NRG2: variants seen among roughly 807,000 people sequenced by gnomAD.
The protein encoded by NRG2 is pro-neuregulin-2, membrane-bound isoform.
Under a neutral mutation model 73.9 loss-of-function variants are expected in NRG2, and 27 were observed. The ratio of observed to expected loss-of-function variants is 0.37; its 90% confidence interval spans 0.27 to 0.50. NRG2 has a LOEUF of 0.50. Ranked by LOEUF, NRG2 falls within the 20% of genes least tolerant of loss-of-function variation. The pLI is 0.96. For synonymous variants in NRG2, 532 were observed against 541.0 expected (o/e 0.98, Z 0.23); for missense variants, 1,126 against 1,210.1 (o/e 0.93, Z 1.03).
At chr5:139,962,936 A>G (rs1451570637) in intron 1 of NRG2, among the ~76,000 whole-genome samples, 1 of 152,190 alleles carries the variant, frequency 6.6e-6, no homozygotes, top group Non-Finnish European at 1.5e-5. Flanking sequence ...TCTGGTTCAT[A>G]GGCAATATGG....
At chr5:140,030,829 A>G (rs1761083462) in intron 1 of NRG2, among the ~76,000 whole-genome samples, 1 of 152,162 alleles carries the variant, frequency 6.6e-6, no homozygotes, top group Non-Finnish European at 1.5e-5. Context: ...ACCTGGGCTG[A>G]GCTCTGGAGG....
intron 1 of NRG2, among the ~76,000 whole-genome samples, chr5:139,948,215 G>GAGTT (rs55699761): frequency 0.14 from 21,276 of 152,052 alleles, 1,584 homozygotes; most frequent in South Asian, 0.25. Flanking sequence ...TAATGTCAAT[G>GAGTT]AACTATACCA....
chr5:140,034,020 G>A (rs910313982), intron 1 of NRG2, among the ~76,000 whole-genome samples: 24 of 151,118 alleles, frequency 1.6e-4, no homozygotes, highest in African/African-American at 5.1e-4. Context: ...GTGCAGTGGC[G>A]CGATCTTGGC....
intron 1 of NRG2, among the ~76,000 whole-genome samples, chr5:139,984,542 T>C: frequency 6.6e-6 from 1 of 152,268 alleles, no homozygotes; most frequent in East Asian, 1.9e-4. Context: ...TTATAAGATG[T>C]ACTTCAGAAT....
rs747692888 is a variant in NRG2, at chr5:139,887,239, G to A, written c.872+101C>T. The A allele has an allele frequency of 1.1e-5, 15 of 1,389,594 alleles. No individual in the cohort carries two copies. The highest frequency in any genetic ancestry group is 1.5e-5 in the Non-Finnish European group (15 of 995,724). The allele number at this position is 1,389,594 out of a possible 1,614,324, so 86.1% of individuals were successfully genotyped here. A position where few individuals can be genotyped will look rare whatever the true frequency, so the allele number is the denominator to read the frequency against. On this transcript the variant is annotated intron_variant, in intron 2 of 9. Transcript: ENST00000361474. The surrounding 1 kb of genome is among the most constrained non-coding windows in gnomAD (Gnocchi z 4.5). ...GGGCTGGGACTGGTTCCATGGGTGA[G>A]TCTGGGGGCACAGCCCTGGCCTCTG...
At chr5:139,877,010 G>C (rs919779979) in intron 3 of NRG2, among the ~76,000 whole-genome samples, 1 of 151,770 alleles carries the variant, frequency 6.6e-6, no homozygotes, top group Non-Finnish European at 1.5e-5. Flanking sequence ...GACTGGCCCA[G>C]AGGCCTCTCC....
rs1377904908 is a variant in NRG2 at position 139,904,302 on chromosome 5, C to T, written c.701-16791G>A. 6.3e-7 allele frequency: 1 copy of T among 1,589,816 alleles called. No individual in the cohort carries two copies. The highest frequency in any genetic ancestry group is 8.5e-7 in the Non-Finnish European group (1 of 1,176,546). ...CGGGTTTCTGGGCGCGCGGAGGTGC[C>T]CTACCTTTCTCCCCGGGATCGGGCT... is the stretch of plus-strand genomic sequence containing the variant. On this transcript the variant is annotated intron_variant, in intron 1 of 9. Coordinates refer to ENST00000361474, the MANE Select transcript of NRG2 (RefSeq NM_004883.3). This position sits in a 1 kb window ranked among gnomAD's most constrained non-coding sequence, Gnocchi z 6.0.
At chr5:140,026,099 C>A (rs1290531702) in intron 1 of NRG2, among the ~76,000 whole-genome samples, 1 of 152,126 alleles carries the variant, frequency 6.6e-6, no homozygotes, top group Non-Finnish European at 1.5e-5. Context: ...CATACTAAGC[C>A]AAGGAAACAG....
chr5:139,934,477 C>A (rs1321185772), intron 1 of NRG2, among the ~76,000 whole-genome samples: 3 of 151,804 alleles, frequency 2.0e-5, no homozygotes, highest in Non-Finnish European at 4.4e-5. Flanking sequence ...CCTAAAGCAA[C>A]CACTAAAAAC....
chr5:140,042,772 CGG>C lies in NRG2; in HGVS notation c.296_297del (p.Pro99ArgfsTer109). ...ACACCGAAGAGCAGCATGGAGAAGC[CGG>C]GGGCCGGGTCGCGCCTCATGCCGCC... Reference protein sequence around the residue: ...AAGGMRRDPAPGFSMLLFGVS... With the variant: ...AAGGMRRDPAXGFSMLLFGVS... On this transcript the variant is annotated frameshift_variant, in exon 1 of 10. Transcript: ENST00000361474. LOFTEE classifies it high-confidence loss of function. 6.5e-7 allele frequency: 1 copy of C among 1,539,274 alleles called. No individual in the cohort carries two copies. Among genetic ancestry groups the C allele is most frequent in the East Asian group, 2.5e-5 (1 of 40,136 alleles).
intron 1 of NRG2, among the ~76,000 whole-genome samples, chr5:139,941,217 G>T (rs1281016792): frequency 2.0e-5 from 3 of 152,056 alleles, no homozygotes; most frequent in Non-Finnish European, 1.5e-5. Flanking sequence ...AAAGATTTTC[G>T]ACTTCATGGG....
chr5:139,865,465 C>T lies in NRG2; in HGVS notation c.1189+84G>A. 1.0e-6 allele frequency: 1 copy of T among 991,106 alleles called. No individual in the cohort carries two copies. 61.4% of individuals were successfully genotyped at this position (991,106 alleles called of 1,614,324 possible). A position where few individuals can be genotyped will look rare whatever the true frequency, so the allele number is the denominator to read the frequency against. On this transcript the variant is annotated intron_variant, in intron 5 of 9. Coordinates refer to ENST00000361474, the MANE Select transcript of NRG2 (RefSeq NM_004883.3). This position sits in a 1 kb window ranked among gnomAD's most constrained non-coding sequence, Gnocchi z 5.2. ...GCCAAAGATCAAAACAACCAACACC[C>T]CTGGCCCTATGCCCTACATTGGGGG...
chr5:139,911,394 C>T (rs1750811881), intron 1 of NRG2, among the ~76,000 whole-genome samples: 1 of 152,150 alleles, frequency 6.6e-6, no homozygotes, highest in Admixed American at 6.5e-5. Context: ...GCGGATGACC[C>T]CCAGGCCCAA....
intron 1 of NRG2, among the ~76,000 whole-genome samples, chr5:139,910,766 G>C (rs913302574): frequency 6.6e-6 from 1 of 152,166 alleles, no homozygotes; most frequent in East Asian, 1.9e-4. Flanking sequence ...CTGGTTGTAG[G>C]AGCTGCCATG....
chr5:139,853,115 T>G lies in NRG2; in HGVS notation c.1293-88A>C. 2 of 1,568,014 alleles carry G rather than the reference T, an allele frequency of 1.3e-6. No individual in the cohort carries two copies. The highest frequency in any genetic ancestry group is 1.7e-6 in the Non-Finnish European group (2 of 1,156,118). ...AGCTATCTCTCTAGGGAAACAGCTT[T>G]TCCTCCTGCCCAGGGTGGCCATGGC... On this transcript the variant is annotated intron_variant, in intron 6 of 9. Coordinates refer to ENST00000361474, the MANE Select transcript of NRG2 (RefSeq NM_004883.3). This position sits in a 1 kb window ranked among gnomAD's most constrained non-coding sequence, Gnocchi z 4.1.
chr5:139,989,525 T>C (rs1035855343), intron 1 of NRG2, among the ~76,000 whole-genome samples: 9 of 152,148 alleles, frequency 5.9e-5, no homozygotes, highest in Non-Finnish European at 5.9e-5. Context: ...TATAGTGTTA[T>C]TGCATCTATA....
intron 1 of NRG2, among the ~76,000 whole-genome samples, chr5:139,913,524 G>A (rs1457648392): frequency 6.6e-6 from 1 of 152,200 alleles, no homozygotes; most frequent in African/African-American, 2.4e-5. Flanking sequence ...TAGACTCAGG[G>A]GCTCCCCCGG....
intron 5 of NRG2, among the ~76,000 whole-genome samples, chr5:139,861,500 G>C (rs780426789): frequency 6.6e-6 from 1 of 152,186 alleles, no homozygotes; most frequent in Non-Finnish European, 1.5e-5. Flanking sequence ...AGATCCTGGG[G>C]CTTCAACCCC....
chr5:139,904,220 C>T lies in NRG2; in HGVS notation c.701-16709G>A. The T allele has an allele frequency of 6.9e-7, 1 of 1,440,664 alleles. No individual in the cohort carries two copies. The highest frequency in any genetic ancestry group is 9.2e-7 in the Non-Finnish European group (1 of 1,083,216). 89.2% of individuals were successfully genotyped at this position (1,440,664 alleles called of 1,614,324 possible). A position where few individuals can be genotyped will look rare whatever the true frequency, so the allele number is the denominator to read the frequency against. ...GCGGCGGCCGCTAGCGCAGCCTAGACTCACCCGCGCTGCGCTGGGGGCGGG... is the reference window on the plus strand; with the variant it reads ...GCGGCGGCCGCTAGCGCAGCCTAGATTCACCCGCGCTGCGCTGGGGGCGGG... On this transcript the variant is annotated intron_variant, in intron 1 of 9. Transcript: ENST00000361474. This position sits in a 1 kb window ranked among gnomAD's most constrained non-coding sequence, Gnocchi z 6.0.
Sources: gnomAD v4.1 joint callset for allele counts (sites outside exome capture counted in the v4.1 genomes callset) on GRCh38, gnomAD v4.1.1 for gene constraint, Gnocchi (gnomAD v3.1) non-coding constraint, MANE v1.5 for transcripts, NCBI Gene and HGNC (gene_info 2026-07-23, HGNC 2026-07-21) for gene names.